The following CUBN variants were observed in gnomAD, a reference collection of about 807,000 sequenced individuals.
CUBN encodes the protein cubilin.
In CUBN, 282 loss-of-function variants were observed where a neutral mutation model predicts 405.3. That is an observed-to-expected ratio of 0.70 (90% CI 0.63 to 0.77). The LOEUF is 0.77. CUBN is among the 30% of genes least tolerant of loss of function. CUBN has a pLI of 0.00. For synonymous variants in CUBN, 1,684 were observed against 1,617.0 expected (o/e 1.04, Z -0.99); for missense variants, 4,514 against 4,475.2 (o/e 1.01, Z -0.25).
chr10:16,937,701 A>G lies in CUBN; in HGVS notation c.5817T>C (p.Asn1939=). Residue 1939 remains asparagine, a synonymous_variant, in exon 39 of 67, where the codon AAT becomes AAC. Coordinates refer to ENST00000377833, the MANE Select transcript of CUBN (RefSeq NM_001081.4). ...TQTESFSSTG[N]SLTFHFYSDS... is the part of the protein sequence containing the mutation. Reference sequence around the variant, plus strand: ...CGGAGTAAAAATGAAATGTCAAAGAATTTCCAGTGGAGCTGAAAGATTCAG... The same window carrying G: ...CGGAGTAAAAATGAAATGTCAAAGAGTTTCCAGTGGAGCTGAAAGATTCAG... The G allele has an allele frequency of 6.2e-7, 1 of 1,614,158 alleles. No homozygotes were observed. Among genetic ancestry groups the G allele is most frequent in the African/African-American group, 1.3e-5 (1 of 75,052 alleles).
chr10:16,855,151 C>T (rs1174331345), intron 59 of CUBN, among the ~76,000 whole-genome samples: 2 of 141,544 alleles, frequency 1.4e-5, no homozygotes, highest in Admixed American at 1.5e-4. Flanking sequence ...TGCTATGATG[C>T]CCAGGCTGGT....
intron 54 of CUBN, among the ~76,000 whole-genome samples, chr10:16,893,818 A>G (rs1841104795): frequency 6.6e-6 from 1 of 152,188 alleles, no homozygotes; most frequent in South Asian, 2.1e-4. Context: ...GGTGCTATTT[A>G]TATAGATTCG....
chr10:17,067,088 A>G (rs1489004830), intron 21 of CUBN, among the ~76,000 whole-genome samples: 1 of 152,176 alleles, frequency 6.6e-6, no homozygotes, highest in Non-Finnish European at 1.5e-5. Flanking sequence ...AGCCAAAAAC[A>G]TAAAATTGAA....
chr10:17,081,020 A>C (rs1308254973), intron 17 of CUBN, among the ~76,000 whole-genome samples: 3 of 151,632 alleles, frequency 2.0e-5, no homozygotes, highest in Non-Finnish European at 4.4e-5. Context: ...TATAAATCTA[A>C]GAATTAACAT....
intron 54 of CUBN, among the ~76,000 whole-genome samples, chr10:16,895,777 G>A (rs958610740): frequency 5.3e-5 from 8 of 152,010 alleles, no homozygotes; most frequent in Non-Finnish European, 1.0e-4. Flanking sequence ...ATGTACCTAC[G>A]TGGTTGAATT....
At chr10:17,040,940 G>T in intron 27 of CUBN, 93 bp downstream of exon 27, 2 of 1,219,316 alleles carry the variant, frequency 1.6e-6, no homozygotes, top group South Asian at 1.2e-5. Flanking sequence ...GGCAGAGTTA[G>T]GGATTTTATT....
chr10:17,036,522 T>C (rs570187880), intron 27 of CUBN, among the ~76,000 whole-genome samples: 1 of 152,184 alleles, frequency 6.6e-6, no homozygotes, highest in South Asian at 2.1e-4. Flanking sequence ...CATGCGCCTG[T>C]CCTCTTCATG....
chr10:17,030,576 T>G (rs986355085), intron 27 of CUBN, among the ~76,000 whole-genome samples: 12 of 152,176 alleles, frequency 7.9e-5, no homozygotes, highest in African/African-American at 2.9e-4. Context: ...CATCAACTAC[T>G]GAAGAAGAAT....
At position 16,825,160 on chromosome 10, in the gene CUBN, A is replaced by G. The variant is rs7096870; in HGVS notation, c.10765-78T>C. ...TTTCTAGGAATGTTAGCCTAGTAAC[A>G]AAGTACCACATAAAGAAACTTTATA... On this transcript the variant is annotated intron_variant, in intron 66 of 66. Transcript: ENST00000377833. 1,625 of 940,194 alleles carry G rather than the reference A, an allele frequency of 1.7e-3. 32 individuals are homozygous for G. In the African/African-American group the frequency reaches 0.024, roughly 14 times the overall value. The allele number at this position is 940,194 out of a possible 1,614,324, so 58.2% of individuals were successfully genotyped here.
intron 28 of CUBN, among the ~76,000 whole-genome samples, chr10:17,003,384 C>A (rs900087945): frequency 2.0e-5 from 3 of 152,160 alleles, no homozygotes; most frequent in African/African-American, 7.2e-5. Flanking sequence ...GCCCTGTGAA[C>A]CTGCGCTAGA....
chr10:16,826,289 A>C (rs1172061509), intron 66 of CUBN, among the ~76,000 whole-genome samples: 1 of 104,894 alleles, frequency 9.5e-6, no homozygotes, highest in East Asian at 2.6e-4. Context: ...TTACAAGTTT[A>C]ACAAACATAT....
At chr10:16,946,946 C>CA (rs1055738549) in intron 36 of CUBN, among the ~76,000 whole-genome samples, 5 of 149,862 alleles carry the variant, frequency 3.3e-5, no homozygotes, top group East Asian at 2.0e-4. Flanking sequence ...TGTCTAATTC[C>CA]AAAAAAAAAG....
intron 33 of CUBN, among the ~76,000 whole-genome samples, chr10:16,951,899 C>T (rs1274003294): frequency 6.6e-6 from 1 of 152,132 alleles, no homozygotes; most frequent in Non-Finnish European, 1.5e-5. Flanking sequence ...ATCAGCTATA[C>T]TCAAGGCACA....
intron 59 of CUBN, among the ~76,000 whole-genome samples, chr10:16,864,991 G>C (rs1205434250): frequency 1.2e-5 from 1 of 81,590 alleles, no homozygotes; most frequent in Non-Finnish European, 2.2e-5. Flanking sequence ...ACGGAGTTTT[G>C]CTCTTGTTGC....
At chr10:16,859,422 C>A (rs1839952762) in intron 59 of CUBN, among the ~76,000 whole-genome samples, 1 of 151,994 alleles carries the variant, frequency 6.6e-6, no homozygotes, top group South Asian at 2.1e-4. Context: ...ACACACCTAC[C>A]AGAATGGCTA....
At chr10:16,867,099 C>G (rs537322998) in intron 59 of CUBN, among the ~76,000 whole-genome samples, 1 of 152,126 alleles carries the variant, frequency 6.6e-6, no homozygotes, top group Non-Finnish European at 1.5e-5. Flanking sequence ...TAGTTAAGAT[C>G]GAAACGGAAA....
chr10:16,874,339 G>A (rs1840441620), intron 58 of CUBN, 35 bp downstream of exon 58: 1 of 1,611,618 alleles, frequency 6.2e-7, no homozygotes, highest in Non-Finnish European at 8.5e-7. Flanking sequence ...AATGCTGAAA[G>A]GATTTTCTTA....
At chr10:16,851,582 C>T in intron 59 of CUBN, 139 bp from the exon 60 acceptor site, 2 of 791,754 alleles carry the variant, frequency 2.5e-6, no homozygotes, top group Middle Eastern at 2.4e-4. Flanking sequence ...CTCCTGGGCT[C>T]CCTCCTTTCC....
At chr10:16,959,481 A>T (rs1843159352) in intron 31 of CUBN, among the ~76,000 whole-genome samples, 1 of 152,102 alleles carries the variant, frequency 6.6e-6, no homozygotes, top group African/African-American at 2.4e-5. Context: ...ATACAAAATT[A>T]GCCAGATGTA....
Sources: allele counts gnomAD v4.1 joint callset (sites outside exome capture counted in the v4.1 genomes callset), GRCh38; gene constraint gnomAD v4.1.1; transcripts MANE v1.5; gene names NCBI Gene and HGNC (gene_info 2026-07-23, HGNC 2026-07-21).